The following RALGPS1 variants were observed in gnomAD, a reference collection of about 807,000 sequenced individuals.
The protein encoded by RALGPS1 is ras-specific guanine nucleotide-releasing factor RalGPS1.
Under a neutral mutation model 78.8 loss-of-function variants are expected in RALGPS1, and 19 were observed. The observed-to-expected ratio is 0.24, with a 90% confidence interval of 0.17 to 0.35. The LOEUF (loss-of-function observed/expected upper bound fraction) is 0.35, where lower values mean the gene tolerates loss of function less well. RALGPS1 is among the 10% of genes least tolerant of loss of function. The pLI is 1.00. For missense variants in RALGPS1, 454 were observed against 688.3 expected (o/e 0.66, Z 3.81); for synonymous variants, 228 against 256.3 (o/e 0.89, Z 1.06).
intron 11 of RALGPS1, among the ~76,000 whole-genome samples, chr9:127,185,445 C>T (rs1345909297): frequency 1.3e-5 from 2 of 152,210 alleles, no homozygotes; most frequent in African/African-American, 2.4e-5. Context: ...AGGGCTGTCC[C>T]GTTCACTGGC....
intron 1 of RALGPS1, among the ~76,000 whole-genome samples, chr9:126,934,632 G>A (rs542400075): frequency 3.6e-4 from 55 of 152,152 alleles, no homozygotes; most frequent in South Asian, 6.2e-4. Context: ...GAAGCTCTGG[G>A]GTTTTCTCTA....
intron 4 of RALGPS1, among the ~76,000 whole-genome samples, chr9:127,016,277 C>T: frequency 6.6e-6 from 1 of 152,174 alleles, no homozygotes. Context: ...GCTGCAATTG[C>T]CCAGTCTCCA....
At chr9:127,038,644 C>G (rs1288394504) in intron 5 of RALGPS1, among the ~76,000 whole-genome samples, 1 of 152,120 alleles carries the variant, frequency 6.6e-6, no homozygotes, top group Non-Finnish European at 1.5e-5. Flanking sequence ...TTCAGGGGGT[C>G]AACAATAAAC....
intron 11 of RALGPS1, among the ~76,000 whole-genome samples, chr9:127,180,008 C>T (rs1261367564): frequency 6.6e-6 from 1 of 152,162 alleles, no homozygotes; most frequent in African/African-American, 2.4e-5. Context: ...TCCACACCAA[C>T]AAATAGGCTG....
At chr9:126,935,819 C>T (rs2036203023) in intron 1 of RALGPS1, among the ~76,000 whole-genome samples, 1 of 152,238 alleles carries the variant, frequency 6.6e-6, no homozygotes, top group Admixed American at 6.5e-5. Flanking sequence ...CAGAGTTGGA[C>T]TGGACTCAAG....
intron 8 of RALGPS1, among the ~76,000 whole-genome samples, chr9:127,156,236 G>A (rs963482230): frequency 6.6e-6 from 1 of 152,136 alleles, no homozygotes; most frequent in African/African-American, 2.4e-5. Flanking sequence ...AAACAATGCT[G>A]CAGTGAACAT....
chr9:126,961,637 C>T (rs1163380659), intron 1 of RALGPS1, among the ~76,000 whole-genome samples: 1 of 152,126 alleles, frequency 6.6e-6, no homozygotes, highest in African/African-American at 2.4e-5. Context: ...ACCCCACCTC[C>T]ACAAAACAAT....
At chr9:126,964,477 T>G (rs2039248060) in intron 2 of RALGPS1, among the ~76,000 whole-genome samples, 1 of 152,132 alleles carries the variant, frequency 6.6e-6, no homozygotes, top group African/African-American at 2.4e-5. Context: ...CTTTATTTTA[T>G]ATAACCCGTA....
intron 1 of RALGPS1, among the ~76,000 whole-genome samples, chr9:126,924,242 T>C (rs1357639110): frequency 1.3e-5 from 2 of 152,240 alleles, no homozygotes; most frequent in African/African-American, 4.8e-5. Flanking sequence ...TGAAAGTGTC[T>C]GCTTCAGGGG....
In RALGPS1 at chr9:127,091,473, A is replaced by G. The variant is rs146703709; in HGVS notation, c.610+22117A>G. 3.3e-5 allele frequency among the ~76,000 whole-genome samples: 5 copies of G among 151,816 alleles called. No individual in the cohort carries two copies. The highest frequency in any genetic ancestry group is 1.2e-4 in the African/African-American group (5 of 41,354). ...TTTTTTTTCTTAATTTGTAAATGCC[A>G]CTGTGACCCAGCTTTGTGAAGGGGA... On this transcript the variant is annotated intron_variant, in intron 8 of 18. Coordinates refer to ENST00000259351, the MANE Select transcript of RALGPS1 (RefSeq NM_014636.3). The surrounding 1 kb of genome is among the most constrained non-coding windows in gnomAD (Gnocchi z 4.3).
At chr9:127,214,868 C>T in intron 18 of RALGPS1, 26 bp downstream of exon 18, 1 of 1,613,078 alleles carries the variant, frequency 6.2e-7, no homozygotes, top group Non-Finnish European at 8.5e-7. Flanking sequence ...TCCTGCTTGT[C>T]ACCTGAAATA....
chr9:127,188,031 A>ATATTC (rs2060767867), intron 11 of RALGPS1, among the ~76,000 whole-genome samples: 1 of 134,224 alleles, frequency 7.5e-6, no homozygotes, highest in Non-Finnish European at 1.6e-5. Context: ...TGGTTCTGAT[A>ATATTC]TATTCTTTGG....
chr9:126,931,654 A>C (rs1363096039), intron 1 of RALGPS1, among the ~76,000 whole-genome samples: 1 of 152,182 alleles, frequency 6.6e-6, no homozygotes, highest in African/African-American at 2.4e-5. Flanking sequence ...GGTTGGGTAC[A>C]GGATTTCTTT....
chr9:127,146,980 A>C (rs2138898311), intron 8 of RALGPS1, among the ~76,000 whole-genome samples: 1 of 152,310 alleles, frequency 6.6e-6, no homozygotes. Flanking sequence ...GACTGGACTA[A>C]TTTACATTCC....
chr9:127,178,665 T>A (rs1017573312), intron 11 of RALGPS1: 6 of 175,698 alleles, frequency 3.4e-5, no homozygotes, highest in African/African-American at 1.4e-4. Flanking sequence ...GTGGGACAGA[T>A]CCACCCTCTG....
chr9:127,094,372 G>A (rs1367704267), intron 8 of RALGPS1, among the ~76,000 whole-genome samples: 1 of 151,320 alleles, frequency 6.6e-6, no homozygotes, highest in African/African-American at 2.5e-5. Context: ...GTGCCTGCAG[G>A]CTCTGATGGC....
intron 14 of RALGPS1, among the ~76,000 whole-genome samples, chr9:127,201,620 CTCT>C (rs555637715): frequency 4.6e-5 from 7 of 152,326 alleles, no homozygotes; most frequent in African/African-American, 1.4e-4. Flanking sequence ...GCCTGTGGCT[CTCT>C]TCTTTCAGTT....
At chr9:127,174,891 C>T (rs2059767917) in intron 11 of RALGPS1, 109 bp downstream of exon 11, 2 of 919,392 alleles carry the variant, frequency 2.2e-6, no homozygotes, top group Non-Finnish European at 3.5e-6. Flanking sequence ...TGCAGCTTAG[C>T]AGACTCAGCT....
At chr9:127,203,756 A>G (rs1192981637) in intron 14 of RALGPS1, among the ~76,000 whole-genome samples, 1 of 152,238 alleles carries the variant, frequency 6.6e-6, no homozygotes, top group Non-Finnish European at 1.5e-5. Context: ...TGCATGAGGC[A>G]CCAGGCTCAG....
Sources: gnomAD v4.1 joint callset for allele counts (sites outside exome capture counted in the v4.1 genomes callset) on GRCh38, gnomAD v4.1.1 for gene constraint, Gnocchi (gnomAD v3.1) non-coding constraint, MANE v1.5 for transcripts, NCBI Gene and HGNC (gene_info 2026-07-23, HGNC 2026-07-21) for gene names.